The following LRP1B variants were observed in gnomAD, a reference collection of about 807,000 sequenced individuals.
LRP1B encodes the protein low-density lipoprotein receptor-related protein 1B.
LRP1B carries 217 observed loss-of-function variants against 556.6 expected under a neutral mutation model. The observed-to-expected ratio is 0.39, with a 90% CI of 0.35 to 0.44. The LOEUF (loss-of-function observed/expected upper bound fraction) is 0.44. Ranked by LOEUF, LRP1B falls within the 20% of genes least tolerant of loss-of-function variation. LRP1B has a pLI of 1.00. For missense variants in LRP1B, 5,053 were observed against 5,620.8 expected (o/e 0.90, Z 3.23); for synonymous variants, 2,047 against 1,865.8 (o/e 1.10, Z -2.50).
At chr2:140,540,650 A>C (rs969204246) in intron 45 of LRP1B, among the ~76,000 whole-genome samples, 1 of 152,082 alleles carries the variant, frequency 6.6e-6, no homozygotes, top group East Asian at 1.9e-4. Context: ...TACTTTTGCT[A>C]TTGATTGAAT....
intron 7 of LRP1B, among the ~76,000 whole-genome samples, chr2:141,071,767 G>A (rs969151473): frequency 1.3e-5 from 2 of 152,086 alleles, no homozygotes; most frequent in African/African-American, 4.8e-5. Flanking sequence ...GCTTCAAAGA[G>A]AATAAAATAC....
intron 3 of LRP1B, among the ~76,000 whole-genome samples, chr2:141,421,226 CT>C (rs1426001581): frequency 6.6e-6 from 1 of 152,130 alleles, no homozygotes; most frequent in African/African-American, 2.4e-5. Context: ...AAGAAATACA[CT>C]TTAAAAATTT....
chr2:141,200,616 TAC>T (rs1190994334), intron 6 of LRP1B, among the ~76,000 whole-genome samples: 3 of 152,086 alleles, frequency 2.0e-5, no homozygotes, highest in African/African-American at 7.2e-5. Context: ...CCCCTATATG[TAC>T]ACACACATAC....
At chr2:141,888,631 A>G (rs1312621959) in intron 1 of LRP1B, among the ~76,000 whole-genome samples, 1 of 152,202 alleles carries the variant, frequency 6.6e-6, no homozygotes, top group African/African-American at 2.4e-5. Context: ...ATTCCACAAC[A>G]TTCTAAAAGA....
intron 7 of LRP1B, among the ~76,000 whole-genome samples, chr2:141,070,944 C>G (rs910677115): frequency 6.6e-6 from 1 of 152,122 alleles, no homozygotes; most frequent in African/African-American, 2.4e-5. Context: ...AAACTGGTAC[C>G]ATTCCTTCTG....
intron 34 of LRP1B, 68 bp downstream of exon 34, chr2:140,770,813 C>A (rs1212384996): frequency 1.5e-5 from 21 of 1,363,552 alleles, no homozygotes; most frequent in Admixed American, 2.9e-5. Context: ...GGTTGCCTAA[C>A]ATCTGCATGG....
intron 1 of LRP1B, among the ~76,000 whole-genome samples, chr2:142,112,154 C>T (rs977854168): frequency 2.6e-5 from 4 of 151,912 alleles, no homozygotes; most frequent in Non-Finnish European, 5.9e-5. Context: ...GAAAACATTC[C>T]GCCCAGAAAT....
chr2:141,662,452 C>T (rs1270909539), intron 2 of LRP1B, among the ~76,000 whole-genome samples: 1 of 152,002 alleles, frequency 6.6e-6, no homozygotes, highest in Non-Finnish European at 1.5e-5. Flanking sequence ...TGGGCAAAGA[C>T]AAACAGAGGG....
chr2:141,265,551 A>T (rs1684855443), intron 3 of LRP1B, among the ~76,000 whole-genome samples: 1 of 152,170 alleles, frequency 6.6e-6, no homozygotes, highest in Non-Finnish European at 1.5e-5. Flanking sequence ...AACATTTTTC[A>T]TTTAGAAAAA....
At chr2:140,936,597 G>A (rs1156998891) in intron 20 of LRP1B, among the ~76,000 whole-genome samples, 1 of 151,740 alleles carries the variant, frequency 6.6e-6, no homozygotes, top group Non-Finnish European at 1.5e-5. Flanking sequence ...GGTGTATAAA[G>A]GAATAAAAAT....
intron 78 of LRP1B, 28 bp from the exon 79 acceptor site, chr2:140,334,587 C>A: frequency 7.6e-7 from 1 of 1,318,042 alleles, no homozygotes; most frequent in Non-Finnish European, 1.0e-6. Flanking sequence ...GAGAGGTTAG[C>A]CTGGTGATGG....
chr2:140,385,016 C>T (rs1330278568), intron 67 of LRP1B, among the ~76,000 whole-genome samples: 1 of 152,072 alleles, frequency 6.6e-6, no homozygotes, highest in Admixed American at 6.5e-5. Context: ...CTTTGGGAGG[C>T]CAGGGTTTAT....
At chr2:141,997,444 TACACAC>T (rs148682019) in intron 1 of LRP1B, among the ~76,000 whole-genome samples, 31,869 of 137,150 alleles carry the variant, frequency 0.23, 4,267 homozygotes, top group East Asian at 0.38. Flanking sequence ...TGTGTGTATA[TACACAC>T]ACACACACAC....
At chr2:140,345,418 T>G (rs758305810) in intron 77 of LRP1B, among the ~76,000 whole-genome samples, 2 of 151,424 alleles carry the variant, frequency 1.3e-5, no homozygotes, top group East Asian at 2.0e-4. Context: ...TGTACCTCTA[T>G]ATCTTCTTAT....
At chr2:140,967,030 T>C (rs1050801622) in intron 18 of LRP1B, among the ~76,000 whole-genome samples, 10 of 152,174 alleles carry the variant, frequency 6.6e-5, no homozygotes, top group African/African-American at 1.9e-4. Context: ...ATGAGGGCTC[T>C]TTTTTGGTTC....
At chr2:141,246,691 A>G (rs944623021) in intron 5 of LRP1B, among the ~76,000 whole-genome samples, 3 of 152,152 alleles carry the variant, frequency 2.0e-5, no homozygotes, top group Non-Finnish European at 4.4e-5. Context: ...TAGGCTGGGC[A>G]CTGCGGCTCA....
intron 2 of LRP1B, among the ~76,000 whole-genome samples, chr2:141,543,460 G>T (rs948777668): frequency 6.8e-6 from 1 of 146,652 alleles, no homozygotes; most frequent in Non-Finnish European, 1.5e-5. Flanking sequence ...AGTTGAGGTT[G>T]CAGTGAGCTG....
chr2:141,748,539 G>T (rs561345256), intron 2 of LRP1B, among the ~76,000 whole-genome samples: 2 of 152,312 alleles, frequency 1.3e-5, no homozygotes, highest in African/African-American at 4.8e-5. Flanking sequence ...GCCAGATATA[G>T]ATGGTCTGTG....
At position 140,850,189 on chromosome 2, in the gene LRP1B, C is replaced by T. The variant is rs866395361; in HGVS notation, c.4852G>A (p.Glu1618Lys). The change falls in exon 29 of 91, where the codon GAA (glutamate) becomes AAA (lysine). Residue 1618 changes from glutamate to lysine, a missense_variant. Physicochemically the swap from Glu to Lys is moderately conservative, Grantham distance 56. Coordinates refer to ENST00000389484, the MANE Select transcript of LRP1B (RefSeq NM_018557.3). ...VTVIDFDASE[E>K]RLYWTDIKTQ... ...TTAATATCTGTCCAGTATAAACGTTCCTCAGATGCATCGAAGTCTATCACA... is the reference window on the plus strand; with the variant it reads ...TTAATATCTGTCCAGTATAAACGTTTCTCAGATGCATCGAAGTCTATCACA... 2 of 1,613,486 alleles carry T rather than the reference C, an allele frequency of 1.2e-6. No individual in the cohort carries two copies. Among genetic ancestry groups the T allele is most frequent in the Admixed American group, 1.7e-5 (1 of 59,992 alleles).
Sources: gnomAD v4.1 joint callset for allele counts (sites outside exome capture counted in the v4.1 genomes callset) on GRCh38, gnomAD v4.1.1 for gene constraint, MANE v1.5 for transcripts, NCBI Gene and HGNC (gene_info 2026-07-23, HGNC 2026-07-21) for gene names.